Variants in SWT1 observed in about 807,000 individuals in gnomAD.
SWT1 encodes the protein transcriptional protein SWT1.
SWT1 carries 33 observed loss-of-function variants against 107.3 expected under a neutral mutation model. That is an observed-to-expected ratio of 0.31 (90% CI 0.23 to 0.41). SWT1 has a LOEUF of 0.41. SWT1 is among the 10% of genes least tolerant of loss of function. SWT1 has a pLI of 1.00. For synonymous variants in SWT1, 345 were observed against 348.3 expected (o/e 0.99, Z 0.11); for missense variants, 898 against 1,028.9 (o/e 0.87, Z 1.74).
chr1:185,286,344 C>T (rs550843801), intron 18 of SWT1, among the ~76,000 whole-genome samples: 1 of 152,226 alleles, frequency 6.6e-6, no homozygotes, highest in African/African-American at 2.4e-5. Context: ...CTGCCTTAGC[C>T]TCCTGAGTAG....
chr1:185,261,141 A>T (rs1012955077), intron 16 of SWT1, among the ~76,000 whole-genome samples: 1 of 152,154 alleles, frequency 6.6e-6, no homozygotes, highest in Non-Finnish European at 1.5e-5. Context: ...TTCATCTCGT[A>T]AAACTGAAAC....
chr1:185,206,602 A>T (rs754773296), intron 12 of SWT1, 23 bp from the exon 13 acceptor site: 71 of 1,409,208 alleles, frequency 5.0e-5, no homozygotes, highest in Non-Finnish European at 6.6e-5. Flanking sequence ...AGAGATGTTA[A>T]TTTTTTTCTA....
In SWT1 at chr1:185,174,857, C is replaced by G. The variant is rs1461465588; in HGVS notation, c.710C>G (p.Pro237Arg). The G allele has an allele frequency of 1.2e-6, 2 of 1,614,004 alleles. No individual in the cohort carries two copies. Among genetic ancestry groups the G allele is most frequent in the Non-Finnish European group, 8.5e-7 (1 of 1,179,998 alleles). The stretch of plus-strand genomic sequence containing the variant: ...AGACAGAAGATCAGTTTCAAAATCC[C>G]TATAAAATCCCGTGACACCCTCCAG... ...SRRQKISFKI[P>R]IKSRDTLQKL... Residue 237 changes from proline (P) to arginine (R), a missense_variant, in exon 5 of 19, where the codon CCT becomes CGT. Physicochemically the swap from Pro to Arg is moderately radical, Grantham distance 103. Coordinates refer to ENST00000367500, the MANE Select transcript of SWT1 (RefSeq NM_017673.7).
intron 13 of SWT1, among the ~76,000 whole-genome samples, chr1:185,207,159 T>A (rs1018166053): frequency 1.3e-5 from 2 of 152,248 alleles, no homozygotes; most frequent in Non-Finnish European, 2.9e-5. Flanking sequence ...TTGAGCACAT[T>A]TCATGTACTA....
chr1:185,221,967 C>T lies in SWT1; in HGVS notation c.2240C>T (p.Pro747Leu). The change falls in exon 15 of 19, where the codon CCC (proline) becomes CTC (leucine). Residue 747 changes from proline (P) to leucine (L), a missense_variant. Around this residue, in one of 6 missense-constraint regions of SWT1, gnomAD observed 382 missense variants for 460.0 expected, o/e 0.83. Coordinates refer to ENST00000367500, the MANE Select transcript of SWT1 (RefSeq NM_017673.7). ...EITVFSSSHLPQPSRHQEIWS... is the reference protein window; with the variant it reads ...EITVFSSSHLLQPSRHQEIWS... ...ACTGTTTTCTCGAGTTCTCATCTTCCCCAACCCAGCAGGCATCAAGAAATC... is the reference window on the plus strand; with the variant it reads ...ACTGTTTTCTCGAGTTCTCATCTTCTCCAACCCAGCAGGCATCAAGAAATC... The T allele has an allele frequency of 6.2e-7, 1 of 1,612,760 alleles. No individual in the cohort carries two copies. Among genetic ancestry groups the T allele is most frequent in the Non-Finnish European group, 8.5e-7 (1 of 1,179,400 alleles).
intron 14 of SWT1, among the ~76,000 whole-genome samples, chr1:185,218,804 G>A (rs1442444826): frequency 6.6e-6 from 1 of 152,140 alleles, no homozygotes; most frequent in Non-Finnish European, 1.5e-5. Context: ...TTAACCTCTA[G>A]TTAATTAAAC....
At chr1:185,226,008 T>G (rs1238984700) in intron 15 of SWT1, among the ~76,000 whole-genome samples, 1 of 151,106 alleles carries the variant, frequency 6.6e-6, no homozygotes, top group East Asian at 1.9e-4. Context: ...AAAGCAAAGG[T>G]TTTTTTTTGT....
chr1:185,290,132 T>C (rs1415253151), intron 18 of SWT1, among the ~76,000 whole-genome samples: 1 of 150,884 alleles, frequency 6.6e-6, no homozygotes. Flanking sequence ...CAAAACAAAA[T>C]TAGATGTGGT....
chr1:185,159,177 A>G (rs1212206875), intron 1 of SWT1, among the ~76,000 whole-genome samples: 1 of 152,228 alleles, frequency 6.6e-6, no homozygotes, highest in Non-Finnish European at 1.5e-5. Context: ...CTTATTGATT[A>G]CACAGGTCAG....
intron 2 of SWT1, among the ~76,000 whole-genome samples, chr1:185,163,349 G>T (rs1469375550): frequency 6.7e-6 from 1 of 149,034 alleles, no homozygotes; most frequent in Non-Finnish European, 1.5e-5. Context: ...CAAGAAACCA[G>T]TTTCATTGCT....
chr1:185,238,186 A>G (rs972076976), intron 16 of SWT1, among the ~76,000 whole-genome samples: 3 of 151,968 alleles, frequency 2.0e-5, no homozygotes, highest in Admixed American at 6.6e-5. Flanking sequence ...GGGGTTTGCC[A>G]TATTGCTCAG....
intron 9 of SWT1, among the ~76,000 whole-genome samples, chr1:185,189,185 C>T (rs528588669): frequency 2.0e-5 from 3 of 152,082 alleles, no homozygotes; most frequent in South Asian, 4.2e-4. Flanking sequence ...GGCAGAGTCT[C>T]GCCATGTTGC....
intron 13 of SWT1, among the ~76,000 whole-genome samples, chr1:185,207,977 A>G (rs1356939756): frequency 6.6e-6 from 1 of 152,172 alleles, no homozygotes; most frequent in Non-Finnish European, 1.5e-5. Context: ...GCTTTTTTCA[A>G]ACTCCTCACA....
chr1:185,280,717 C>G (rs1429704492), intron 18 of SWT1: 1 of 253,404 alleles, frequency 3.9e-6, no homozygotes, highest in Admixed American at 4.7e-5. Context: ...ATAAAAATCC[C>G]TGAACTGGCA....
rs999860659 is a variant in SWT1 at position 185,226,243 on chromosome 1, T to C, written c.2309+4207T>C. 2.0e-5 allele frequency among the ~76,000 whole-genome samples: 3 copies of C among 152,206 alleles called. No individual in the cohort carries two copies. In the East Asian group the frequency reaches 5.8e-4, roughly 29 times the overall value. On this transcript the variant is annotated intron_variant, in intron 15 of 18. Transcript: ENST00000367500. Reference sequence around the variant, plus strand: ...TTTCTGGATAATATACTCTATGTAATAGCATTTCAGCAAGACAAAAATGCT... The same window carrying C: ...TTTCTGGATAATATACTCTATGTAACAGCATTTCAGCAAGACAAAAATGCT...
intron 16 of SWT1, among the ~76,000 whole-genome samples, chr1:185,267,412 G>A (rs982458489): frequency 4.6e-5 from 7 of 152,178 alleles, no homozygotes; most frequent in African/African-American, 1.7e-4. Context: ...TGTATGTAAA[G>A]CAGGGTCAGA....
chr1:185,233,874 G>T (rs1660672244), intron 16 of SWT1, among the ~76,000 whole-genome samples: 1 of 152,074 alleles, frequency 6.6e-6, no homozygotes, highest in Non-Finnish European at 1.5e-5. Context: ...CTCCCAAGTA[G>T]CTGGGACTAC....
At chr1:185,255,733 CA>C (rs1662449131) in intron 16 of SWT1, among the ~76,000 whole-genome samples, 1 of 146,612 alleles carries the variant, frequency 6.8e-6, no homozygotes, top group African/African-American at 2.6e-5. Flanking sequence ...ACTCTTTATC[CA>C]ATTTGCCAGT....
chr1:185,213,259 C>T (rs1320357868), intron 13 of SWT1, among the ~76,000 whole-genome samples: 3 of 152,160 alleles, frequency 2.0e-5, no homozygotes, highest in East Asian at 1.9e-4. Context: ...AGGGGATTTA[C>T]GTAGTTCATC....
Sources: allele counts gnomAD v4.1 joint callset (sites outside exome capture counted in the v4.1 genomes callset), GRCh38; gene constraint gnomAD v4.1.1; regional missense constraint gnomAD v4.1.1; transcripts MANE v1.5; gene names NCBI Gene and HGNC (gene_info 2026-07-23, HGNC 2026-07-21).